NR2C2: variants seen among roughly 807,000 people sequenced by gnomAD.
NR2C2 encodes Nuclear hormone receptor TR4.
A neutral mutation model predicts 62.9 loss-of-function variants in NR2C2; 6 were observed. The observed-to-expected ratio is 0.10, with a 90% confidence interval of 0.05 to 0.19. The LOEUF is 0.19. NR2C2 is among the 10% of genes least tolerant of loss of function. NR2C2 has a pLI of 1.00. For synonymous variants in NR2C2, 272 were observed against 273.8 expected (o/e 0.99, Z 0.07); for missense variants, 479 against 762.7 (o/e 0.63, Z 4.38).
chr3:15,031,326 A>G (rs983454021), intron 9 of NR2C2, among the ~76,000 whole-genome samples: 3 of 151,788 alleles, frequency 2.0e-5, no homozygotes, highest in East Asian at 1.9e-4. Flanking sequence ...AAGCCCTCTC[A>G]GTCTCTAGGT....
intron 1 of NR2C2, among the ~76,000 whole-genome samples, chr3:14,953,037 G>A (rs933146968): frequency 2.6e-5 from 4 of 152,184 alleles, no homozygotes; most frequent in African/African-American, 9.6e-5. Context: ...CTGGTACCTG[G>A]AAGTCTTAGA....
intron 7 of NR2C2, 146 bp from the exon 8 acceptor site, chr3:15,028,440 T>C (rs1373357893): frequency 3.6e-5 from 24 of 660,518 alleles, no homozygotes; most frequent in Non-Finnish European, 6.1e-5. Context: ...GTTAAATCAC[T>C]AAAAAGATCT....
intron 7 of NR2C2, among the ~76,000 whole-genome samples, chr3:15,027,939 A>G (rs529888837): frequency 1.1e-4 from 16 of 151,708 alleles, no homozygotes; most frequent in Non-Finnish European, 2.2e-4. Flanking sequence ...GCTCACTGCA[A>G]CCTCTGCCTC....
At chr3:15,029,486 A>G (rs1173841984) in intron 8 of NR2C2, among the ~76,000 whole-genome samples, 1 of 152,218 alleles carries the variant, frequency 6.6e-6, no homozygotes, top group African/African-American at 2.4e-5. Flanking sequence ...TTGTGGTCTG[A>G]TAACAAATAA....
rs1371780992 is a variant in NR2C2 at position 15,043,394 on chromosome 3, A to C, written c.*386A>C. 6.5e-6 allele frequency: 1 copy of C among 154,478 alleles called. No homozygotes were observed. Among genetic ancestry groups the C allele is most frequent in the Non-Finnish European group, 1.4e-5 (1 of 69,330 alleles). The allele number at this position is 154,478 out of a possible 1,614,324, so 9.6% of individuals were successfully genotyped here. A position where few individuals can be genotyped will look rare whatever the true frequency, so the allele number is the denominator to read the frequency against. Reference sequence around the variant, plus strand: ...TATATAAAAAAGTCCTTGGAATTATAGATACTAATTACCAGGGTAATAATA... The same window carrying C: ...TATATAAAAAAGTCCTTGGAATTATCGATACTAATTACCAGGGTAATAATA... On this transcript the variant is annotated 3_prime_UTR_variant, in exon 14 of 14. Transcript: ENST00000425241.
At position 15,032,512 on chromosome 3, in the gene NR2C2, C is replaced by T. The variant is rs369667250; in HGVS notation, c.1232+12C>T. 7.0e-5 allele frequency: 113 copies of T among 1,614,100 alleles called. No homozygotes were observed. The highest frequency in any genetic ancestry group is 3.3e-4 in the South Asian group (30 of 91,086). On this transcript the variant is annotated intron_variant, in intron 10 of 13. Coordinates refer to ENST00000425241, the MANE Select transcript of NR2C2 (RefSeq NM_001291694.2). ...TTTCAGGCACTTGGGTAAGTGGCCTCTTGCTGTGCATGTATCCTCGGGCAG... is the reference window on the plus strand; with the variant it reads ...TTTCAGGCACTTGGGTAAGTGGCCTTTTGCTGTGCATGTATCCTCGGGCAG...
chr3:14,985,154 G>A (rs1345690890), intron 1 of NR2C2, among the ~76,000 whole-genome samples: 2 of 151,958 alleles, frequency 1.3e-5, no homozygotes, highest in Non-Finnish European at 2.9e-5. Context: ...AGTTTTGGGA[G>A]TTCTTTATAT....
intron 1 of NR2C2, among the ~76,000 whole-genome samples, chr3:14,952,687 A>G (rs936997909): frequency 2.6e-5 from 4 of 152,174 alleles, no homozygotes; most frequent in African/African-American, 9.7e-5. Context: ...ATTGTAAAAG[A>G]TATGTTCTTC....
intron 1 of NR2C2, among the ~76,000 whole-genome samples, chr3:15,001,870 G>A (rs940496201): frequency 6.6e-6 from 1 of 151,926 alleles, no homozygotes; most frequent in African/African-American, 2.4e-5. Context: ...CTCCTACCTC[G>A]GTCTCCCAAA....
chr3:14,960,599 A>G (rs2039663655), intron 1 of NR2C2, among the ~76,000 whole-genome samples: 1 of 152,224 alleles, frequency 6.6e-6, no homozygotes, highest in African/African-American at 2.4e-5. Flanking sequence ...ATACTATTCA[A>G]TAATATTTTC....
intron 2 of NR2C2, among the ~76,000 whole-genome samples, chr3:15,011,553 T>C (rs574903001): frequency 1.4e-4 from 21 of 152,342 alleles, no homozygotes; most frequent in African/African-American, 4.8e-4. Flanking sequence ...TTCTGTCTCA[T>C]GTTTTATGTT....
In NR2C2 at chr3:15,043,139, T is replaced by C; in HGVS notation, c.*131T>C. On this transcript the variant is annotated 3_prime_UTR_variant, in exon 14 of 14. Coordinates refer to ENST00000425241, the MANE Select transcript of NR2C2 (RefSeq NM_001291694.2). ...CCATTTCCTGTCTGGTTTCTCCTTA[T>C]CTGTTAATCCCAGACAATAGCAATT... The C allele has an allele frequency of 1.3e-6, 1 of 788,548 alleles. No individual in the cohort carries two copies. Among genetic ancestry groups the C allele is most frequent in the South Asian group, 3.4e-5 (1 of 29,654 alleles). The allele number at this position is 788,548 out of a possible 1,614,324, so 48.8% of individuals were successfully genotyped here.
chr3:15,032,211 A>G (rs896765634), intron 9 of NR2C2, among the ~76,000 whole-genome samples, 168 bp from the exon 10 acceptor site: 1 of 152,178 alleles, frequency 6.6e-6, no homozygotes, highest in Non-Finnish European at 1.5e-5. Flanking sequence ...TCACTGAGCA[A>G]GAAAACATGG....
intron 11 of NR2C2, 121 bp downstream of exon 11, chr3:15,034,930 A>G (rs375421510): frequency 9.5e-7 from 1 of 1,053,936 alleles, no homozygotes. Flanking sequence ...CAGGCTGGCA[A>G]CATAGCAAAT....
rs1274890940 is a variant in NR2C2 at position 15,028,632 on chromosome 3, C to T, written c.845C>T (p.Thr282Ile). The change falls in exon 8 of 14, where the codon ACC becomes ATC. Residue 282 changes from threonine (T) to isoleucine (I), a missense_variant. Thr to Ile is a moderately conservative substitution (Grantham distance 89). This residue lies in a region of NR2C2 where 151 missense variants were observed against 176.1 expected (regional missense o/e 0.86). Transcript: ENST00000425241. The part of the protein sequence containing the change: ...GALGTLANVV[T>I]SLANLSESLN... ...CTGGGCACACTGGCAAATGTAGTGA[C>T]CTCCCTTGCCAACCTAAGTGAATCT... The T allele has an allele frequency of 6.2e-7, 1 of 1,614,052 alleles. No homozygotes were observed. The highest frequency in any genetic ancestry group is 8.5e-7 in the Non-Finnish European group (1 of 1,179,942).
chr3:14,998,961 G>A (rs888314142), intron 1 of NR2C2, among the ~76,000 whole-genome samples: 2 of 152,256 alleles, frequency 1.3e-5, no homozygotes, highest in African/African-American at 4.8e-5. Flanking sequence ...AGCCAAGATT[G>A]TGCCCCTGCA....
At chr3:15,029,822 TAG>T (rs1215238666) in intron 8 of NR2C2, among the ~76,000 whole-genome samples, 23 of 123,784 alleles carry the variant, frequency 1.9e-4, no homozygotes, top group African/African-American at 7.2e-4. Context: ...GATAGATAGA[TAG>T]ATAGATAGAT....
Position 15,024,213 on chromosome 3 carries a change from C to T in NR2C2, c.798+5C>T, listed in dbSNP as rs201956313. 14 of 1,588,796 alleles carry T rather than the reference C, an allele frequency of 8.8e-6. No homozygotes were observed. The highest frequency in any genetic ancestry group is 3.5e-5 in the Admixed American group (2 of 57,660). On this transcript the variant is annotated splice_donor_5th_base_variant and intron_variant, in intron 7 of 13. Coordinates refer to ENST00000425241, the MANE Select transcript of NR2C2 (RefSeq NM_001291694.2). Reference sequence around the variant, plus strand: ...CTCCTGGCCACGGATTCTAAGGTGACGTTCTCTACTCATGCTCTCTCTCAT... The same window carrying T: ...CTCCTGGCCACGGATTCTAAGGTGATGTTCTCTACTCATGCTCTCTCTCAT...
At chr3:15,005,056 C>A (rs540884185) in intron 2 of NR2C2, among the ~76,000 whole-genome samples, 7 of 151,692 alleles carry the variant, frequency 4.6e-5, no homozygotes, top group Admixed American at 4.6e-4. Flanking sequence ...CCCAGCCACC[C>A]CTTTCTTATT....
Sources: allele counts gnomAD v4.1 joint callset (sites outside exome capture counted in the v4.1 genomes callset), GRCh38; gene constraint gnomAD v4.1.1; regional missense constraint gnomAD v4.1.1; transcripts MANE v1.5; gene names NCBI Gene and HGNC (gene_info 2026-07-23, HGNC 2026-07-21).